The following TMEM132D variants were observed in gnomAD, a reference collection of about 807,000 sequenced individuals.
The protein encoded by TMEM132D is mature OL transmembrane protein.
A neutral mutation model predicts 62.3 loss-of-function variants in TMEM132D; 21 were observed. That is an observed-to-expected ratio of 0.34 (90% CI 0.24 to 0.49). TMEM132D has a LOEUF of 0.49. TMEM132D is among the 20% of genes least tolerant of loss of function. The probability of loss-of-function intolerance (pLI) is 0.99; values close to 1 mark genes in which losing one functional copy is unlikely to be tolerated. For missense variants in TMEM132D, 1,346 were observed against 1,402.8 expected, an observed-to-expected ratio of 0.96 and a Z score of 0.65; for synonymous variants, 621 against 575.6, an observed-to-expected ratio of 1.08 and a Z score of -1.13.
At chr12:129,433,218 T>C (rs1186503472) in intron 3 of TMEM132D, among the ~76,000 whole-genome samples, 2 of 152,220 alleles carry the variant, frequency 1.3e-5, no homozygotes, top group Non-Finnish European at 2.9e-5. Context: ...ACCAGGGACA[T>C]TCTTGCCCAT....
rs558203103 is a variant in TMEM132D, at chr12:129,140,613, C to T, written c.1444-55911G>A. ...CAACACTTTGGGAGGCTGAGACGGG[C>T]GGATCACGTAAGATCAGGAGTTCGA... On this transcript the variant is annotated intron_variant, in intron 5 of 8. Coordinates refer to ENST00000422113, the MANE Select transcript of TMEM132D (RefSeq NM_133448.3). Among the ~76,000 whole-genome samples, 51 of 152,142 alleles carry T rather than the reference C, an allele frequency of 3.4e-4. 1 individual carries two copies. The South Asian group carries it at 5.2e-3, about 15-fold the overall frequency.
chr12:129,895,091 C>T (rs1286770506), intron 1 of TMEM132D, among the ~76,000 whole-genome samples: 1 of 152,120 alleles, frequency 6.6e-6, no homozygotes. Flanking sequence ...GGACAGAGTC[C>T]TGGGGTCTCC....
chr12:129,775,124 C>T (rs138434488), intron 1 of TMEM132D, among the ~76,000 whole-genome samples: 4 of 152,300 alleles, frequency 2.6e-5, no homozygotes, highest in South Asian at 2.1e-4. Context: ...TTAATCCACA[C>T]AAAAGTGTAA....
intron 3 of TMEM132D, among the ~76,000 whole-genome samples, chr12:129,461,508 CAG>C (rs1272561813): frequency 1.3e-5 from 2 of 152,210 alleles, no homozygotes; most frequent in South Asian, 2.1e-4. Flanking sequence ...GAAAACAAGA[CAG>C]ATTATTTTTC....
chr12:129,483,818 T>C (rs1231435529), intron 3 of TMEM132D, among the ~76,000 whole-genome samples: 1 of 152,228 alleles, frequency 6.6e-6, no homozygotes, highest in Non-Finnish European at 1.5e-5. Flanking sequence ...TAGTGTTTCA[T>C]TCACAAAATC....
chr12:129,599,417 G>C (rs929012545), intron 2 of TMEM132D, among the ~76,000 whole-genome samples: 20 of 152,166 alleles, frequency 1.3e-4, no homozygotes, highest in Non-Finnish European at 2.6e-4. Context: ...TCTGCAAACA[G>C]GGTTTCCTTC....
At chr12:129,140,509 A>G (rs1876707832) in intron 5 of TMEM132D, among the ~76,000 whole-genome samples, 1 of 152,048 alleles carries the variant, frequency 6.6e-6, no homozygotes, top group South Asian at 2.1e-4. Flanking sequence ...TACAGTATAG[A>G]GTCTTTTGTG....
At chr12:129,429,406 G>GA (rs1872588927) in intron 3 of TMEM132D, among the ~76,000 whole-genome samples, 1 of 152,064 alleles carries the variant, frequency 6.6e-6, no homozygotes, top group African/African-American at 2.4e-5. Context: ...TGGTGTTGAA[G>GA]AAACAGGCTA....
At position 129,339,278 on chromosome 12, in the gene TMEM132D, A is replaced by G. The variant is rs12296284; in HGVS notation, c.1116-1461T>C. ...TGAAAATATGTCTCAAAAAAAAAAA[A>G]GGGAAAAGAAAAAGAAAGATAGAAG... On this transcript the variant is annotated intron_variant, in intron 3 of 8. Coordinates refer to ENST00000422113, the MANE Select transcript of TMEM132D (RefSeq NM_133448.3). Among the ~76,000 whole-genome samples, 9 of 142,242 alleles carry G rather than the reference A, an allele frequency of 6.3e-5. No homozygotes were observed. The East Asian group carries it at 1.2e-3, about 19-fold the overall frequency. 93.3% of individuals were successfully genotyped at this position (142,242 alleles called of 152,430 possible). A position where few individuals can be genotyped will look rare whatever the true frequency, so the allele number is the denominator to read the frequency against.
chr12:129,316,304 C>T (rs1868487038), intron 4 of TMEM132D, among the ~76,000 whole-genome samples: 1 of 152,152 alleles, frequency 6.6e-6, no homozygotes, highest in African/African-American at 2.4e-5. Flanking sequence ...CTCCTCTTAG[C>T]ACTGCCTTTG....
intron 4 of TMEM132D, among the ~76,000 whole-genome samples, chr12:129,259,793 A>T (rs2135594853): frequency 6.6e-6 from 1 of 152,270 alleles, no homozygotes; most frequent in Admixed American, 6.5e-5. Context: ...ATTATTTAGG[A>T]GCAAAGCTAA....
intron 1 of TMEM132D, among the ~76,000 whole-genome samples, chr12:129,769,089 A>G (rs1870646081): frequency 6.6e-6 from 1 of 152,186 alleles, no homozygotes; most frequent in Non-Finnish European, 1.5e-5. Context: ...TTTGAAGAGA[A>G]GATTTCATCA....
At chr12:129,146,452 C>T (rs940862331) in intron 5 of TMEM132D, among the ~76,000 whole-genome samples, 7 of 152,164 alleles carry the variant, frequency 4.6e-5, no homozygotes, top group African/African-American at 1.7e-4. Flanking sequence ...ACCATGGCCA[C>T]CAAAGTAGTC....
chr12:129,317,288 T>C (rs534029761), intron 4 of TMEM132D, among the ~76,000 whole-genome samples: 1 of 152,326 alleles, frequency 6.6e-6, no homozygotes, highest in Admixed American at 6.5e-5. Flanking sequence ...TTCCAGGATT[T>C]GTTTCAAGAT....
Position 129,484,364 on chromosome 12 carries a change from G to T in TMEM132D, c.1115+46695C>A, listed in dbSNP as rs78238300. Among the ~76,000 whole-genome samples the T allele has an allele frequency of 5.6e-3, 856 of 152,216 alleles. 23 individuals are homozygous for T. In the East Asian group the frequency reaches 0.06, roughly 11 times the overall value. ...ACCTGGACCAAAAACTTGTCCAAGG[G>T]TAACTTTATATTCTCTACAGGGCTA... On this transcript the variant is annotated intron_variant, in intron 3 of 8. Coordinates refer to ENST00000422113, the MANE Select transcript of TMEM132D (RefSeq NM_133448.3).
chr12:129,524,824 C>A (rs1047102291), intron 3 of TMEM132D, among the ~76,000 whole-genome samples: 1 of 151,780 alleles, frequency 6.6e-6, no homozygotes, highest in South Asian at 2.1e-4. Flanking sequence ...CACTGTACTC[C>A]AGCCTAGCGA....
intron 3 of TMEM132D, among the ~76,000 whole-genome samples, chr12:129,377,672 G>T (rs186566115): frequency 6.6e-6 from 1 of 152,180 alleles, no homozygotes; most frequent in Non-Finnish European, 1.5e-5. Flanking sequence ...CCAGGAACCA[G>T]TTTGGTTTCA....
intron 2 of TMEM132D, among the ~76,000 whole-genome samples, chr12:129,537,158 T>TAAAAAAAAAAAAAAAAA (rs10635477): frequency 1.7e-5 from 2 of 114,354 alleles, no homozygotes; most frequent in African/African-American, 3.4e-5. Flanking sequence ...AAACTCTGTC[T>TAAAAAAAAAAAAAAAAA]AAAAAAAAAA....
rs1010655600 is a variant in TMEM132D, at chr12:129,514,086, G to A, written c.1115+16973C>T. ...GATCCCCTGACCTTGTGATCCGCCC[G>A]CCTCGGCCTCCCAAAGTGCTGGGAT... On this transcript the variant is annotated intron_variant, in intron 3 of 8. Transcript: ENST00000422113. Among the ~76,000 whole-genome samples, 9 of 151,058 alleles carry A rather than the reference G, an allele frequency of 6.0e-5. No homozygotes were observed. The East Asian group carries it at 7.8e-4, about 13-fold the overall frequency.
Sources: allele counts gnomAD v4.1 joint callset (sites outside exome capture counted in the v4.1 genomes callset), GRCh38; gene constraint gnomAD v4.1.1; transcripts MANE v1.5; gene names NCBI Gene and HGNC (gene_info 2026-07-23, HGNC 2026-07-21).